The following DDX42 variants were observed in gnomAD, a reference collection of about 807,000 sequenced individuals.
The protein encoded by DDX42 is ATP-dependent RNA helicase DDX42.
In DDX42, 22 loss-of-function variants were observed where a neutral mutation model predicts 101.5. The observed-to-expected ratio is 0.22, with a 90% CI of 0.15 to 0.31. DDX42 has a LOEUF of 0.31. DDX42 is among the 10% of genes least tolerant of loss of function. DDX42 has a pLI of 1.00. For synonymous variants in DDX42, 402 were observed against 401.2 expected (o/e 1.00, Z -0.02); for missense variants, 849 against 1,199.9 (o/e 0.71, Z 4.32).
intron 1 of DDX42, among the ~76,000 whole-genome samples, chr17:63,781,642 A>G (rs2039489216): frequency 6.6e-6 from 1 of 150,896 alleles, no homozygotes; most frequent in Non-Finnish European, 1.5e-5. Flanking sequence ...CCCTTCCCCA[A>G]TCCCTGTTCC....
At chr17:63,797,982 T>G (rs905360432) in intron 3 of DDX42, 56 bp from the exon 4 acceptor site, 2 of 1,519,934 alleles carry the variant, frequency 1.3e-6, no homozygotes, top group Admixed American at 4.0e-5. Context: ...ATCTAAAAAT[T>G]GTTTCTTTCA....
Position 63,818,920 on chromosome 17 carries a change from C to T in DDX42, c.*522C>T, listed in dbSNP as rs772805341. 4.5e-5 allele frequency: 7 copies of T among 155,044 alleles called. No homozygotes were observed. The highest frequency in any genetic ancestry group is 1.0e-4 in the Non-Finnish European group (7 of 69,566). The allele number at this position is 155,044 out of a possible 1,614,324, so 9.6% of individuals were successfully genotyped here. On this transcript the variant is annotated 3_prime_UTR_variant, in exon 18 of 18. Transcript: ENST00000389924. ...CTGATTCTAAATGGGAGTTGATGCTCAGGTCCCCAGCCAGGTTTGCATCCA... is the reference window on the plus strand; with the variant it reads ...CTGATTCTAAATGGGAGTTGATGCTTAGGTCCCCAGCCAGGTTTGCATCCA...
At chr17:63,791,627 A>G (rs1396603719) in intron 2 of DDX42, among the ~76,000 whole-genome samples, 1 of 152,166 alleles carries the variant, frequency 6.6e-6, no homozygotes, top group Non-Finnish European at 1.5e-5. Context: ...TTTATTTTCA[A>G]TTCCGGAAGT....
At chr17:63,803,727 ACCT>A (rs1178279437) in intron 6 of DDX42, among the ~76,000 whole-genome samples, 1 of 147,188 alleles carries the variant, frequency 6.8e-6, no homozygotes, top group African/African-American at 2.5e-5. Context: ...GCTCACTGCA[ACCT>A]CCTCCTCCTC....
chr17:63,788,507 C>T (rs899856833), intron 2 of DDX42, among the ~76,000 whole-genome samples: 6 of 151,218 alleles, frequency 4.0e-5, no homozygotes, highest in African/African-American at 7.4e-5. Flanking sequence ...GGGGTTTCAC[C>T]GTGTTAGCCA....
chr17:63,812,831 C>A (rs1298927245), intron 14 of DDX42, among the ~76,000 whole-genome samples: 1 of 152,228 alleles, frequency 6.6e-6, no homozygotes, highest in East Asian at 1.9e-4. Context: ...TCGAGACCAT[C>A]CTGGCCAACA....
rs2144597917 is a variant in DDX42, at chr17:63,818,691, AACTC to A, written c.*298_*301del. The A allele has an allele frequency of 3.0e-6, 1 of 338,532 alleles. No individual in the cohort carries two copies. Among genetic ancestry groups the A allele is most frequent in the Non-Finnish European group, 5.5e-6 (1 of 182,776 alleles). 21.0% of individuals were successfully genotyped at this position (338,532 alleles called of 1,614,324 possible). A position where few individuals can be genotyped will look rare whatever the true frequency, so the allele number is the denominator to read the frequency against. ...GGATAAAGGGTCTTCTAGGGCACAAAACTCACTCTAGGTTTATATTGTATGTAGC... is the reference window on the plus strand; with the variant it reads ...GGATAAAGGGTCTTCTAGGGCACAAAACTCTAGGTTTATATTGTATGTAGC... On this transcript the variant is annotated 3_prime_UTR_variant, in exon 18 of 18. Transcript: ENST00000389924.
chr17:63,783,731 AG>A (rs147581647), intron 1 of DDX42, among the ~76,000 whole-genome samples: 1,716 of 152,290 alleles, frequency 0.011, 26 homozygotes, highest in African/African-American at 0.04. Context: ...TCTGGAGTTA[AG>A]GGTCTAAGTA....
rs571550317 is a variant in DDX42, at chr17:63,809,530, T to C, written c.1153-30T>C. The C allele has an allele frequency of 2.0e-5, 31 of 1,583,948 alleles. 1 individual carries two copies. In the South Asian group the frequency reaches 3.0e-4, roughly 15 times the overall value. On this transcript the variant is annotated intron_variant, in intron 10 of 17. Transcript: ENST00000389924. Reference sequence around the variant, plus strand: ...AAGTCCCTGTGAATGCCTTTAATTATACTTACTGTTCATTTTGTTGATCTT... The same window carrying C: ...AAGTCCCTGTGAATGCCTTTAATTACACTTACTGTTCATTTTGTTGATCTT...
At chr17:63,777,529 G>A (rs865873399) in intron 1 of DDX42, among the ~76,000 whole-genome samples, 59 of 150,732 alleles carry the variant, frequency 3.9e-4, no homozygotes, top group African/African-American at 1.3e-3. Context: ...CTCACTGCAA[G>A]CTCCGTCTCC....
intron 3 of DDX42, among the ~76,000 whole-genome samples, chr17:63,795,054 GAA>G (rs2039676609): frequency 6.6e-6 from 1 of 152,088 alleles, no homozygotes; most frequent in Non-Finnish European, 1.5e-5. Flanking sequence ...AGTAGGGAAA[GAA>G]ATAATCCAAG....
At chr17:63,810,009 C>T (rs1734344113) in intron 11 of DDX42, among the ~76,000 whole-genome samples, 1 of 152,096 alleles carries the variant, frequency 6.6e-6, no homozygotes, top group Non-Finnish European at 1.5e-5. Flanking sequence ...TCGTAGCTGT[C>T]TTTACTGATT....
rs1328554723 is a variant in DDX42 at position 63,805,193 on chromosome 17, C to T, written c.726+18C>T. ...ATCTTCGGGTAAGCATCATTAAGCT[C>T]AATATTCTTAATATTAATGTTAATT... On this transcript the variant is annotated intron_variant, in intron 7 of 17. Transcript: ENST00000389924. 3.1e-6 allele frequency: 5 copies of T among 1,607,414 alleles called. 1 individual carries two copies. Among genetic ancestry groups the T allele is most frequent in the South Asian group, 2.2e-5 (2 of 89,072 alleles).
chr17:63,818,045 G>C lies in DDX42; in HGVS notation c.2464G>C (p.Gly822Arg). The C allele has an allele frequency of 6.2e-7, 1 of 1,614,048 alleles. No homozygotes were observed. Among genetic ancestry groups the C allele is most frequent in the Non-Finnish European group, 8.5e-7 (1 of 1,180,028 alleles). The change falls in exon 18 of 18, where the codon GGA (glycine) becomes CGA (arginine). Residue 822 changes from glycine (G) to arginine (R), a missense_variant. Around this residue, in one of 5 missense-constraint regions of DDX42, gnomAD observed 300 missense variants for 304.9 expected, o/e 0.98. Coordinates refer to ENST00000389924, the MANE Select transcript of DDX42 (RefSeq NM_203499.3). ...ENRGSSRHSH[G>R]ETGNRHSDSP... is the part of the protein sequence containing the mutation. ...CCGGGGCAGCAGCCGTCACAGTCAC[G>C]GAGAGACTGGCAATCGGCATAGCGA... is the stretch of plus-strand genomic sequence containing the variant.
chr17:63,812,571 T>A (rs2039924838), intron 14 of DDX42, among the ~76,000 whole-genome samples: 1 of 152,246 alleles, frequency 6.6e-6, no homozygotes, highest in South Asian at 2.1e-4. Flanking sequence ...GAACAGTTTT[T>A]GGAATATAAT....
intron 12 of DDX42, 84 bp downstream of exon 12, chr17:63,810,644 T>TA: frequency 7.4e-7 from 1 of 1,344,682 alleles, no homozygotes; most frequent in Non-Finnish European, 1.1e-6. Flanking sequence ...GTTATGGAAG[T>TA]AAAAATGATC....
chr17:63,774,057 T>C (rs2039378889), upstream of DDX42: 1 of 220,228 alleles, frequency 4.5e-6, no homozygotes, highest in Non-Finnish European at 8.9e-6. Flanking sequence ...CGTCAGAGTA[T>C]CTGAGGAGCC....
Position 63,817,988 on chromosome 17 carries a change from A to G in DDX42, c.2407A>G (p.Ser803Gly). ...TAACAGCCGAGAAGGGACTGGGGGC[A>G]GCAACGGGAAAAGAGAGAGATATAC... ...GNNSREGTGGSNGKRERYTEN... is the reference protein window; with the variant it reads ...GNNSREGTGGGNGKRERYTEN... The change falls in exon 18 of 18, where the codon AGC (serine) becomes GGC (glycine). Residue 803 changes from serine (S) to glycine (G), a missense_variant. Ser to Gly is a moderately conservative substitution (Grantham distance 56, BLOSUM62 0). Around this residue, in one of 5 missense-constraint regions of DDX42, gnomAD observed 300 missense variants for 304.9 expected, o/e 0.98. Coordinates refer to ENST00000389924, the MANE Select transcript of DDX42 (RefSeq NM_203499.3). 30 of 1,614,206 alleles carry G rather than the reference A, an allele frequency of 1.9e-5. No homozygotes were observed. Among genetic ancestry groups the G allele is most frequent in the Non-Finnish European group, 2.4e-5 (28 of 1,180,044 alleles).
intron 14 of DDX42, among the ~76,000 whole-genome samples, chr17:63,812,840 C>T (rs2039928409): frequency 6.6e-6 from 1 of 152,090 alleles, no homozygotes; most frequent in Admixed American, 6.5e-5. Context: ...TCCTGGCCAA[C>T]ATAGTGAAAC....
Sources: gnomAD v4.1 joint callset for allele counts (sites outside exome capture counted in the v4.1 genomes callset) on GRCh38, gnomAD v4.1.1 for gene constraint, gnomAD v4.1.1 regional missense constraint, MANE v1.5 for transcripts, NCBI Gene and HGNC (gene_info 2026-07-23, HGNC 2026-07-21) for gene names.